Variants in CIART observed in about 807,000 individuals in gnomAD.
CIART encodes circadian associated repressor of transcription, also known as circadian-associated transcriptional repressor.
Under a neutral mutation model 22.1 loss-of-function variants are expected in CIART, and 7 were observed. That is an observed-to-expected ratio of 0.32 (90% confidence interval 0.18 to 0.59). CIART has a LOEUF of 0.59. Among genes scored for constraint, CIART ranks in the 20% least tolerant of loss-of-function variants. The pLI is 0.86. For missense variants in CIART, 440 were observed against 478.0 expected (o/e 0.92, Z 0.74); for synonymous variants, 163 against 174.6 (o/e 0.93, Z 0.53).
Position 150,283,631 on chromosome 1 carries a change from A to G in CIART, c.364A>G (p.Lys122Glu). Residue 122 changes from lysine to glutamate, a missense_variant and splice_region_variant, in exon 1 of 5, where the codon AAG becomes GAG. Coordinates refer to ENST00000290363, the MANE Select transcript of CIART (RefSeq NM_144697.4). ...AGAGGGAGACCTGCTGTTTGCCCAG[A>G]AGGTAAGAGAAAGCAGGTGAAAGGA... ...TTEGDLLFAQKCKELQGFIPP... is the reference protein window; with the variant it reads ...TTEGDLLFAQECKELQGFIPP... 6.2e-7 allele frequency: 1 copy of G among 1,613,162 alleles called. No individual in the cohort carries two copies.
At chr1:150,286,311 C>T (rs1290801679) in intron 4 of CIART, 119 bp from the exon 5 acceptor site, 19 of 884,008 alleles carry the variant, frequency 2.1e-5, no homozygotes, top group South Asian at 3.3e-5. Flanking sequence ...TTGCATAAAA[C>T]GAGGTATGTT....
At chr1:150,284,003 T>TATTATTATTATTATTATTATTA (rs1553854144) in intron 2 of CIART, 123 bp downstream of exon 2, 2 of 479,322 alleles carry the variant, frequency 4.2e-6, no homozygotes, top group African/African-American at 5.3e-5. Flanking sequence ...CTACTATGAC[T>TATTATTATTATTATTATTATTA]TTATTATTAT....
In CIART at chr1:150,286,670, G is replaced by A. The variant is rs201943954; in HGVS notation, c.874G>A (p.Val292Ile). Residue 292 changes from valine to isoleucine, a missense_variant, in exon 5 of 5, where the codon GTC (valine) becomes ATC (isoleucine). By Grantham distance (29) the Val-to-Ile change is conservative. Coordinates refer to ENST00000290363, the MANE Select transcript of CIART (RefSeq NM_144697.4). ...GPLGTGTGIG[V>I]ILFLQHGVQP... The stretch of plus-strand genomic sequence containing the variant: ...TTTAGGCACTGGAACCGGCATTGGC[G>A]TCATTCTTTTCCTCCAGCATGGAGT... 45 of 1,613,870 alleles carry A rather than the reference G, an allele frequency of 2.8e-5. No homozygotes were observed. The highest frequency in any genetic ancestry group is 8.9e-5 in the East Asian group (4 of 44,896).
chr1:150,283,207 G>T lies in CIART; in HGVS notation c.-61G>T. The T allele has an allele frequency of 6.9e-7, 1 of 1,441,260 alleles. No individual in the cohort carries two copies. The highest frequency in any genetic ancestry group is 1.5e-5 in the South Asian group (1 of 64,942). The allele number at this position is 1,441,260 out of a possible 1,614,324, so 89.3% of individuals were successfully genotyped here. A position where few individuals can be genotyped will look rare whatever the true frequency, so the allele number is the denominator to read the frequency against. ...TCAAACTCCCTCGCTTTGCTCTTCA[G>T]TTGCAGGTTCCGATCTTTGGGTACT... is the stretch of plus-strand genomic sequence containing the variant. On this transcript the variant is annotated 5_prime_UTR_variant, in exon 1 of 5. Transcript: ENST00000290363.
chr1:150,285,549 A>AAAAG lies in CIART; in HGVS notation c.633+841_633+842insAAAG, dbSNP rs1553854451. On this transcript the variant is annotated intron_variant, in intron 4 of 4. Coordinates refer to ENST00000290363, the MANE Select transcript of CIART (RefSeq NM_144697.4). ...GAAACTCCATCTAAAAAAAAAAAAA[A>AAAAG]GTGACCTATTTTCTGTCCTCAAATA... is the stretch of plus-strand genomic sequence containing the variant. 185 of 159,456 alleles carry AAAAG rather than the reference A, an allele frequency of 1.2e-3. 1 individual carries two copies. Among genetic ancestry groups the AAAAG allele is most frequent in the Non-Finnish European group, 2.0e-3 (147 of 74,256 alleles). The allele number at this position is 159,456 out of a possible 1,614,324, so 9.9% of individuals were successfully genotyped here.
chr1:150,283,517 G>A lies in CIART; in HGVS notation c.250G>A (p.Gly84Ser), dbSNP rs1179471968. ...QHTPSHPKQR[G>S]SASPMAGSGA... ...TACACCATCTCATCCGAAACAGCGG[G>A]GTTCGGCTTCTCCTATGGCAGGATC... Residue 84 changes from glycine to serine, a missense_variant, in exon 1 of 5, where the codon GGT becomes AGT. By Grantham distance (56) the Gly-to-Ser change is moderately conservative. Transcript: ENST00000290363. 6.2e-7 allele frequency: 1 copy of A among 1,614,108 alleles called. No individual in the cohort carries two copies. Among genetic ancestry groups the A allele is most frequent in the Non-Finnish European group, 8.5e-7 (1 of 1,180,054 alleles).
rs182246783 is a variant in CIART at position 150,285,197 on chromosome 1, G to T, written c.633+489G>T. 584 of 176,086 alleles carry T rather than the reference G, an allele frequency of 3.3e-3. 6 individuals are homozygous for T. Among genetic ancestry groups the T allele is most frequent in the Non-Finnish European group, 6.4e-4 (54 of 83,728 alleles). 10.9% of individuals were successfully genotyped at this position (176,086 alleles called of 1,614,324 possible). ...ACCTCACTGGAAGTAGGGGAGGGGG[G>T]CACCAATAGCAGCAGTGTTGATAGA... On this transcript the variant is annotated intron_variant, in intron 4 of 4. Coordinates refer to ENST00000290363, the MANE Select transcript of CIART (RefSeq NM_144697.4).
In CIART at chr1:150,282,797, T is replaced by C. The variant is rs1357772375; in HGVS notation, c.-471T>C. 3 of 152,944 alleles carry C rather than the reference T, an allele frequency of 2.0e-5. No homozygotes were observed. Among genetic ancestry groups the C allele is most frequent in the African/African-American group, 7.2e-5 (3 of 41,392 alleles). 9.5% of individuals were successfully genotyped at this position (152,944 alleles called of 1,614,324 possible). On this transcript the variant is annotated 5_prime_UTR_variant, in exon 1 of 5. An upstream start codon of the reference 5' UTR is lost. Transcript: ENST00000290363. ...GGAGAGGGCAGGAGGCCAGTCTCTA[T>C]GGGGGCGGTTCCCGTAGGATCACCA...
rs137955605 is a variant in CIART at position 150,284,469 on chromosome 1, G to A, written c.486G>A (p.Gln162=). 5.9e-3 allele frequency: 9,476 copies of A among 1,613,186 alleles called. 48 individuals are homozygous for A. The highest frequency in any genetic ancestry group is 7.5e-3 in the Non-Finnish European group (8,878 of 1,179,102). ...FQQSVAMDRI[Q]RIVGVLQKPQ... is the part of the protein sequence containing the mutation. ...AGAGTGTGGCAATGGACAGGATCCAGCGTATTGTAGGTGTTTTGCAGAAGC... is the reference window on the plus strand; with the variant it reads ...AGAGTGTGGCAATGGACAGGATCCAACGTATTGTAGGTGTTTTGCAGAAGC... Residue 162 remains glutamine (Q), a synonymous_variant, in exon 3 of 5, where the codon CAG becomes CAA. Transcript: ENST00000290363.
At chr1:150,284,120 C>G (rs587719403) in intron 2 of CIART, among the ~76,000 whole-genome samples, 1 of 151,994 alleles carries the variant, frequency 6.6e-6, no homozygotes, top group Admixed American at 6.6e-5. Context: ...TGGGTTCAAG[C>G]GATTCTCCTG....
intron 2 of CIART, 74 bp downstream of exon 2, chr1:150,283,954 CTG>C (rs1351363789): frequency 8.3e-7 from 1 of 1,203,564 alleles, no homozygotes; most frequent in East Asian, 2.4e-5. Context: ...GTGTATTTCT[CTG>C]AAGTTCTTGT....
chr1:150,284,766 C>T, intron 4 of CIART, 58 bp downstream of exon 4: 1 of 1,341,100 alleles, frequency 7.5e-7, no homozygotes. Flanking sequence ...ATGAAATGTG[C>T]ATGCAGAAAT....
chr1:150,283,503 A>G lies in CIART; in HGVS notation c.236A>G (p.His79Arg). 1 of 1,612,068 alleles carries G rather than the reference A, an allele frequency of 6.2e-7. No homozygotes were observed. Among genetic ancestry groups the G allele is most frequent in the Admixed American group, 1.7e-5 (1 of 60,016 alleles). The change falls in exon 1 of 5, where the codon CAT (histidine) becomes CGT (arginine). Residue 79 changes from histidine to arginine, a missense_variant. Coordinates refer to ENST00000290363, the MANE Select transcript of CIART (RefSeq NM_144697.4). Reference protein sequence around the residue: ...KVSGNQHTPSHPKQRGSASPM... With the variant: ...KVSGNQHTPSRPKQRGSASPM... ...TCCGGTAACCAGCATACACCATCTC[A>G]TCCGAAACAGCGGGGTTCGGCTTCT...
At chr1:150,284,154 A>C (rs1263346105) in intron 2 of CIART, among the ~76,000 whole-genome samples, 1 of 151,806 alleles carries the variant, frequency 6.6e-6, no homozygotes, top group Non-Finnish European at 1.5e-5. Context: ...AGTCGCTGGG[A>C]TTACAGGCGC....
chr1:150,283,490 C>T lies in CIART; in HGVS notation c.223C>T (p.His75Tyr), dbSNP rs1553853960. The change falls in exon 1 of 5, where the codon CAT (histidine) becomes TAT (tyrosine). Residue 75 changes from histidine (H) to tyrosine (Y), a missense_variant. Transcript: ENST00000290363. ...RHRSKVSGNQ[H>Y]TPSHPKQRGS... is the part of the protein sequence containing the mutation. ...TCGATCGAAGGTTTCCGGTAACCAG[C>T]ATACACCATCTCATCCGAAACAGCG... is the stretch of plus-strand genomic sequence containing the variant. 6.2e-7 allele frequency: 1 copy of T among 1,614,118 alleles called. No homozygotes were observed. The highest frequency in any genetic ancestry group is 1.3e-5 in the African/African-American group (1 of 74,936).
At chr1:150,284,844 C>G (rs1553854299) in intron 4 of CIART, 136 bp downstream of exon 4, 1 of 649,210 alleles carries the variant, frequency 1.5e-6, no homozygotes, top group African/African-American at 1.8e-5. Context: ...AATTCCTAAA[C>G]TTTCTGCATT....
Position 150,283,625 on chromosome 1 carries a change from G to T in CIART, c.358G>T (p.Ala120Ser). 1 of 1,613,456 alleles carries T rather than the reference G, an allele frequency of 6.2e-7. No individual in the cohort carries two copies. Among genetic ancestry groups the T allele is most frequent in the Non-Finnish European group, 8.5e-7 (1 of 1,179,530 alleles). Residue 120 changes from alanine (A) to serine (S), a missense_variant, in exon 1 of 5, where the codon GCC becomes TCC. Ala to Ser is a moderately conservative substitution (Grantham distance 99, BLOSUM62 1). Transcript: ENST00000290363. ...GCTTEGDLLF[A>S]QKCKELQGFI... ...TACCACAGAGGGAGACCTGCTGTTT[G>T]CCCAGAAGGTAAGAGAAAGCAGGTG...
intron 3 of CIART, 30 bp from the exon 4 acceptor site, chr1:150,284,567 T>C: frequency 6.3e-7 from 1 of 1,599,568 alleles, no homozygotes; most frequent in Non-Finnish European, 8.6e-7. Flanking sequence ...ATCCTGTTGC[T>C]GGTTTTTTAA....
intron 4 of CIART, 40 bp downstream of exon 4, chr1:150,284,748 C>A: frequency 6.8e-7 from 1 of 1,466,566 alleles, no homozygotes; most frequent in Non-Finnish European, 9.5e-7. Flanking sequence ...GGGAAAATAG[C>A]CAAGAAAATG....
Sources: gnomAD v4.1 joint callset for allele counts (sites outside exome capture counted in the v4.1 genomes callset) on GRCh38, gnomAD v4.1.1 for gene constraint, MANE v1.5 for transcripts, NCBI Gene and HGNC (gene_info 2026-07-23, HGNC 2026-07-21) for gene names.